Variants in PRIMPOL observed in about 807,000 individuals in gnomAD.
PRIMPOL encodes DNA-directed primase/polymerase protein.
A neutral mutation model predicts 63.6 loss-of-function variants in PRIMPOL; 54 were observed. That is an observed-to-expected ratio of 0.85 (90% confidence interval 0.68 to 1.07). The LOEUF is 1.07. Ranked by LOEUF, PRIMPOL falls within the 50% of genes least tolerant of loss-of-function variation. PRIMPOL has a pLI of 0.00. For missense variants in PRIMPOL, 610 were observed against 648.3 expected, an observed-to-expected ratio of 0.94 and a Z score of 0.64; for synonymous variants, 197 against 220.2, an observed-to-expected ratio of 0.89 and a Z score of 0.93.
rs966888556 is a variant in PRIMPOL at position 184,665,907 on chromosome 4, G to C, written c.409-10G>C. 2.6e-6 allele frequency: 4 copies of C among 1,514,240 alleles called. No homozygotes were observed. Among genetic ancestry groups the C allele is most frequent in the Non-Finnish European group, 3.6e-6 (4 of 1,126,706 alleles). The allele number at this position is 1,514,240 out of a possible 1,614,324, so 93.8% of individuals were successfully genotyped here. A position where few individuals can be genotyped will look rare whatever the true frequency, so the allele number is the denominator to read the frequency against. On this transcript the variant is annotated splice_polypyrimidine_tract_variant and intron_variant, in intron 5 of 13. Transcript: ENST00000314970. The stretch of plus-strand genomic sequence containing the variant: ...AATATAAATTATTTGCATTTTACTT[G>C]TGTTTTTAGTATGTGTGTAAAGCAC...
intron 6 of PRIMPOL, among the ~76,000 whole-genome samples, chr4:184,667,647 G>A (rs1750454465): frequency 6.6e-6 from 1 of 152,150 alleles, no homozygotes. Flanking sequence ...ACAAGATTGG[G>A]TGTCTGGTAG....
intron 6 of PRIMPOL, among the ~76,000 whole-genome samples, chr4:184,670,563 T>A (rs929271158): frequency 4.0e-5 from 6 of 151,128 alleles, no homozygotes; most frequent in Non-Finnish European, 5.9e-5. Context: ...TTTTTTTTTT[T>A]GTGAGACAAG....
chr4:184,666,548 C>T lies in PRIMPOL; in HGVS notation c.556+484C>T, dbSNP rs147887082. Among the ~76,000 whole-genome samples the T allele has an allele frequency of 1.7e-3, 252 of 152,312 alleles. 1 individual carries two copies. The highest frequency in any genetic ancestry group is 5.9e-3 in the African/African-American group (244 of 41,556). ...TGTCTTTCTGTTCTAGACACATCAA[C>T]CTATTCAGGACATCTTTGGCATTTG... On this transcript the variant is annotated intron_variant, in intron 6 of 13. Coordinates refer to ENST00000314970, the MANE Select transcript of PRIMPOL (RefSeq NM_152683.4).
chr4:184,693,472 TG>T (rs1759537735), intron 13 of PRIMPOL, among the ~76,000 whole-genome samples: 1 of 152,210 alleles, frequency 6.6e-6, no homozygotes. Flanking sequence ...AGATATATAA[TG>T]AACACCCATG....
At chr4:184,665,873 A>C in intron 5 of PRIMPOL, 44 bp from the exon 6 acceptor site, 1 of 1,376,054 alleles carries the variant, frequency 7.3e-7, no homozygotes, top group Non-Finnish European at 9.8e-7. Flanking sequence ...GAAAAATTTT[A>C]AAACAAAAAA....
Position 184,651,290 on chromosome 4 carries a change from C to CAAAAAAAAAAAAAAAA in PRIMPOL, c.-137-725_-137-724insAAAAAAAAAAAAAAAA. On this transcript the variant is annotated intron_variant, in intron 1 of 13. Transcript: ENST00000314970. ...TGGGCAACAGAGCAAGACTCTGTCT[C>CAAAAAAAAAAAAAAAA]AAAAAAAAGAAAAAAAAGGGGTTAA... is the stretch of plus-strand genomic sequence containing the variant. Among the ~76,000 whole-genome samples the CAAAAAAAAAAAAAAAA allele has an allele frequency of 5.9e-4, 85 of 143,852 alleles. 4 individuals carry two copies. The highest frequency in any genetic ancestry group is 2.3e-3 in the African/African-American group (82 of 35,038). The allele number at this position is 143,852 out of a possible 152,430, so 94.4% of individuals were successfully genotyped here.
intron 6 of PRIMPOL, 129 bp downstream of exon 6, chr4:184,666,193 G>C (rs1749835605): frequency 5.9e-6 from 4 of 674,760 alleles, no homozygotes; most frequent in Non-Finnish European, 9.3e-6. Flanking sequence ...TGCGATGTAG[G>C]CTGAGTGCAG....
intron 7 of PRIMPOL, among the ~76,000 whole-genome samples, chr4:184,673,980 T>G (rs1752628444): frequency 6.6e-6 from 1 of 152,200 alleles, no homozygotes; most frequent in African/African-American, 2.4e-5. Context: ...CAGGTTTTGC[T>G]TTATTACCAG....
In PRIMPOL at chr4:184,694,551, T is replaced by G. The variant is rs746562224; in HGVS notation, c.1455T>G (p.Asp485Glu). ...EEEEFTTDEA[D>E]ETRSNETQNP... ...AAGAGTTTACAACAGATGAAGCAGA[T>G]GAAACTAGGAGCAATGAAACCCAGA... The change falls in exon 14 of 14, where the codon GAT (aspartate) becomes GAG (glutamate). Residue 485 changes from aspartate (D) to glutamate (E), a missense_variant. Transcript: ENST00000314970. 38 of 1,612,660 alleles carry G rather than the reference T, an allele frequency of 2.4e-5. No individual in the cohort carries two copies. Among genetic ancestry groups the G allele is most frequent in the Non-Finnish European group, 3.1e-5 (36 of 1,179,846 alleles).
chr4:184,679,837 C>A (rs1192471235), intron 8 of PRIMPOL, among the ~76,000 whole-genome samples: 1 of 152,132 alleles, frequency 6.6e-6, no homozygotes, highest in Admixed American at 6.5e-5. Flanking sequence ...GAATCTAATG[C>A]CTGATGATCT....
At position 184,685,659 on chromosome 4, in the gene PRIMPOL, A is replaced by C. The variant is rs1436876936; in HGVS notation, c.1270A>C (p.Arg424=). 1 of 1,541,612 alleles carries C rather than the reference A, an allele frequency of 6.5e-7. No individual in the cohort carries two copies. Among genetic ancestry groups the C allele is most frequent in the East Asian group, 2.3e-5 (1 of 44,444 alleles). The change falls in exon 11 of 14, where the codon AGA becomes CGA. Residue 424 remains arginine (R), a synonymous_variant. Transcript: ENST00000314970. The stretch of plus-strand genomic sequence containing the variant: ...ATATCGGTGGTGTGAAAACATTGGA[A>C]GAGCCCATAAGAGTAATAATATAAT... ...CKYRWCENIG[R]AHKSNNIMIL...
chr4:184,691,474 T>TAC (rs201558104), intron 11 of PRIMPOL, 25 bp from the exon 12 acceptor site: 3,210 of 43,884 alleles, frequency 0.073, 42 homozygotes, highest in African/African-American at 0.13. Context: ...GTATTAATAC[T>TAC]TTTTTTTTTT....
At chr4:184,656,064 C>T (rs956245361) in intron 2 of PRIMPOL, among the ~76,000 whole-genome samples, 2 of 152,168 alleles carry the variant, frequency 1.3e-5, no homozygotes, top group African/African-American at 2.4e-5. Context: ...TCCGGAATGG[C>T]CCAGCTCACA....
At chr4:184,693,257 A>C (rs1402345613) in intron 13 of PRIMPOL, among the ~76,000 whole-genome samples, 1 of 152,250 alleles carries the variant, frequency 6.6e-6, no homozygotes, top group Non-Finnish European at 1.5e-5. Context: ...AATAACCAAG[A>C]ACAAAGTAAA....
chr4:184,660,407 C>CA (rs1747994496), intron 4 of PRIMPOL, among the ~76,000 whole-genome samples: 1 of 152,036 alleles, frequency 6.6e-6, no homozygotes, highest in Non-Finnish European at 1.5e-5. Context: ...TCTCGAGCTC[C>CA]TGACCTCAGA....
chr4:184,673,266 A>G (rs2150097983), intron 7 of PRIMPOL, among the ~76,000 whole-genome samples: 1 of 150,934 alleles, frequency 6.6e-6, no homozygotes, highest in East Asian at 2.0e-4. Context: ...AGTAGCTGGG[A>G]CTACAGGCGC....
intron 1 of PRIMPOL, among the ~76,000 whole-genome samples, chr4:184,650,539 T>C (rs1397896087): frequency 1.3e-5 from 2 of 152,238 alleles, no homozygotes; most frequent in Non-Finnish European, 2.9e-5. Context: ...GGCAAATGCC[T>C]TATGAAATGT....
intron 7 of PRIMPOL, among the ~76,000 whole-genome samples, chr4:184,674,853 A>G (rs1752855852): frequency 6.6e-6 from 1 of 152,170 alleles, no homozygotes; most frequent in Non-Finnish European, 1.5e-5. Context: ...TTCATCTGAA[A>G]CGGCGACAAC....
chr4:184,664,651 C>T (rs1560972034), intron 5 of PRIMPOL, among the ~76,000 whole-genome samples: 1 of 152,184 alleles, frequency 6.6e-6, no homozygotes, highest in Admixed American at 6.5e-5. Flanking sequence ...CTTTCCTTCT[C>T]ACGTCCCATT....
Sources: allele counts gnomAD v4.1 joint callset (sites outside exome capture counted in the v4.1 genomes callset), GRCh38; gene constraint gnomAD v4.1.1; transcripts MANE v1.5; gene names NCBI Gene and HGNC (gene_info 2026-07-23, HGNC 2026-07-21).